Variants in FILIP1L observed in about 807,000 individuals in gnomAD.
FILIP1L encodes the protein filamin A interacting protein 1 like.
FILIP1L carries 55 observed loss-of-function variants against 96.6 expected under a neutral mutation model. The ratio of observed to expected loss-of-function variants is 0.57; its 90% CI spans 0.46 to 0.71. The LOEUF is 0.71. FILIP1L is among the 30% of genes least tolerant of loss of function. The pLI is 0.00. For missense variants in FILIP1L, 1,304 were observed against 1,321.2 expected, an observed-to-expected ratio of 0.99 and a Z score of 0.20; for synonymous variants, 467 against 473.9, an observed-to-expected ratio of 0.99 and a Z score of 0.19.
At chr3:99,895,956 T>C (rs1307081375) in intron 4 of FILIP1L, among the ~76,000 whole-genome samples, 2 of 152,194 alleles carry the variant, frequency 1.3e-5, no homozygotes, top group Non-Finnish European at 2.9e-5. Context: ...GTAAAGATAG[T>C]CTTTTTGTAG....
chr3:99,915,071 A>G (rs1706910420), intron 4 of FILIP1L, among the ~76,000 whole-genome samples: 1 of 152,118 alleles, frequency 6.6e-6, no homozygotes, highest in African/African-American at 2.4e-5. Flanking sequence ...TAGCTCCATG[A>G]TAAGGGCACC....
At chr3:100,094,298 GT>G (rs574393892) in intron 1 of FILIP1L, among the ~76,000 whole-genome samples, 180 of 152,172 alleles carry the variant, frequency 1.2e-3, no homozygotes, top group African/African-American at 3.8e-3. Context: ...TTATTGTTAA[GT>G]TTTAAGAGTT....
intron 1 of FILIP1L, among the ~76,000 whole-genome samples, chr3:100,067,818 G>A (rs1220194654): frequency 6.6e-6 from 1 of 152,084 alleles, no homozygotes; most frequent in African/African-American, 2.4e-5. Context: ...ATTTCAAAGA[G>A]GCTTTAATGG....
intron 1 of FILIP1L, among the ~76,000 whole-genome samples, chr3:100,044,211 G>A (rs963459871): frequency 1.2e-4 from 18 of 152,194 alleles, no homozygotes; most frequent in Non-Finnish European, 2.1e-4. Flanking sequence ...TTGATTGAGC[G>A]TCTTCTATGT....
chr3:99,938,063 G>GTC (rs1707737914), intron 1 of FILIP1L, among the ~76,000 whole-genome samples: 1 of 92,878 alleles, frequency 1.1e-5, no homozygotes, highest in South Asian at 3.8e-4. Context: ...GTGTGTGTGT[G>GTC]TGTGTGTGTG....
intron 1 of FILIP1L, among the ~76,000 whole-genome samples, chr3:100,052,372 G>A (rs2065388878): frequency 1.3e-5 from 2 of 152,176 alleles, no homozygotes; most frequent in African/African-American, 2.4e-5. Flanking sequence ...AATTCCAGGG[G>A]GAACTTTTGT....
intron 1 of FILIP1L, among the ~76,000 whole-genome samples, chr3:100,065,501 C>T (rs2065648699): frequency 6.6e-6 from 1 of 152,194 alleles, no homozygotes; most frequent in Non-Finnish European, 1.5e-5. Flanking sequence ...CTACCCGTGG[C>T]TGCCTCATCC....
intron 3 of FILIP1L, among the ~76,000 whole-genome samples, chr3:99,927,242 A>C (rs909909706): frequency 4.6e-5 from 7 of 152,374 alleles, no homozygotes; most frequent in African/African-American, 1.4e-4. Context: ...ATAAAATTAA[A>C]TTTAAAAGCT....
chr3:100,007,257 CT>C (rs1710014347), intron 1 of FILIP1L, among the ~76,000 whole-genome samples: 1 of 152,150 alleles, frequency 6.6e-6, no homozygotes, highest in African/African-American at 2.4e-5. Flanking sequence ...CTCAGACATA[CT>C]CTTTTTAGCT....
At chr3:99,912,259 G>A (rs1315531415) in intron 4 of FILIP1L, among the ~76,000 whole-genome samples, 4 of 152,154 alleles carry the variant, frequency 2.6e-5, no homozygotes, top group Non-Finnish European at 5.9e-5. Context: ...GCTACATCTT[G>A]TATGATTCCA....
chr3:100,029,212 A>G (rs952127721), intron 1 of FILIP1L, among the ~76,000 whole-genome samples: 4 of 151,904 alleles, frequency 2.6e-5, no homozygotes, highest in Non-Finnish European at 4.4e-5. Flanking sequence ...ATTTGTCTAA[A>G]AAGAATTATT....
chr3:100,014,902 T>C (rs962681995), intron 1 of FILIP1L, among the ~76,000 whole-genome samples: 7 of 142,004 alleles, frequency 4.9e-5, no homozygotes, highest in South Asian at 2.3e-4. Context: ...TTTCTTTTTT[T>C]TTTTTTTTTT....
In FILIP1L at chr3:99,866,676, A is replaced by G. The variant is rs75427524; in HGVS notation, c.606-15606T>C. ...TGTGTGGCTTGGCTTCCTGCTGAGT[A>G]AACAATTAAATCATGAGCCACAGTG... On this transcript the variant is annotated intron_variant, in intron 4 of 5. Transcript: ENST00000477258. 2.5e-3 allele frequency among the ~76,000 whole-genome samples: 384 copies of G among 152,258 alleles called. 4 individuals carry two copies. Among genetic ancestry groups the G allele is most frequent in the African/African-American group, 8.8e-3 (367 of 41,556 alleles).
At chr3:99,925,532 A>G (rs142865318) in intron 3 of FILIP1L, among the ~76,000 whole-genome samples, 1 of 152,316 alleles carries the variant, frequency 6.6e-6, no homozygotes, top group East Asian at 1.9e-4. Context: ...TTGGTCACAC[A>G]TCTGCCTTTA....
intron 1 of FILIP1L, among the ~76,000 whole-genome samples, chr3:100,101,294 G>A (rs2066300393): frequency 6.6e-6 from 1 of 152,220 alleles, no homozygotes; most frequent in Admixed American, 6.5e-5. Flanking sequence ...CACTGCCTAT[G>A]AGGAGAGGGA....
intron 1 of FILIP1L, among the ~76,000 whole-genome samples, chr3:100,087,654 G>A (rs2066034125): frequency 6.6e-6 from 1 of 151,716 alleles, no homozygotes; most frequent in Non-Finnish European, 1.5e-5. Flanking sequence ...TAACTTGCGA[G>A]TTTTTTTCCC....
chr3:99,914,066 TTA>T (rs1422219062), intron 4 of FILIP1L, among the ~76,000 whole-genome samples: 2 of 152,198 alleles, frequency 1.3e-5, no homozygotes, highest in African/African-American at 2.4e-5. Context: ...TGAATTTAAA[TTA>T]GAGAGGGAAT....
intron 1 of FILIP1L, among the ~76,000 whole-genome samples, chr3:100,047,846 G>A (rs907679614): frequency 6.6e-6 from 1 of 152,126 alleles, no homozygotes; most frequent in African/African-American, 2.4e-5. Context: ...AAAAAGGAAG[G>A]CATTTTTGGT....
At position 99,875,926 on chromosome 3, in the gene FILIP1L, G is replaced by GA. The variant is rs1490331828; in HGVS notation, c.606-24857dup. Reference sequence around the variant, plus strand: ...TTTTGTGTGAGTTGGAAACGGTTTTGAACCTAGAATTCATTGGATGCGCTT... The same window carrying GA: ...TTTTGTGTGAGTTGGAAACGGTTTTGAAACCTAGAATTCATTGGATGCGCTT... On this transcript the variant is annotated intron_variant, in intron 4 of 5. Coordinates refer to ENST00000477258, the MANE Select transcript of FILIP1L (RefSeq NM_001387850.1). The GA allele has an allele frequency of 7.2e-6, 3 of 416,748 alleles. No individual in the cohort carries two copies. In the East Asian group the frequency reaches 4.8e-4, roughly 66 times the overall value. 25.8% of individuals were successfully genotyped at this position (416,748 alleles called of 1,614,324 possible).
Sources: allele counts gnomAD v4.1 joint callset (sites outside exome capture counted in the v4.1 genomes callset), GRCh38; gene constraint gnomAD v4.1.1; transcripts MANE v1.5; gene names NCBI Gene and HGNC (gene_info 2026-07-23, HGNC 2026-07-21).